BABAM2: variants seen among roughly 807,000 people sequenced by gnomAD.
The protein encoded by BABAM2 is BRISC and BRCA1-A complex member 2.
BABAM2 carries 31 observed loss-of-function variants against 54.7 expected under a neutral mutation model. The ratio of observed to expected loss-of-function variants is 0.57; its 90% confidence interval spans 0.43 to 0.77. The LOEUF is 0.77. Ranked by LOEUF, BABAM2 falls within the 30% of genes least tolerant of loss-of-function variation. BABAM2 has a pLI of 0.00. For missense variants in BABAM2, 364 were observed against 455.8 expected, an observed-to-expected ratio of 0.80 and a Z score of 1.83; for synonymous variants, 167 against 162.9, an observed-to-expected ratio of 1.03 and a Z score of -0.19.
chr2:27,961,466 A>C (rs577443081), intron 3 of BABAM2, among the ~76,000 whole-genome samples: 1 of 152,208 alleles, frequency 6.6e-6, no homozygotes, highest in Non-Finnish European at 1.5e-5. Flanking sequence ...TTGCCTACCT[A>C]TAAGCTAATG....
chr2:28,146,173 C>T (rs916609017), intron 7 of BABAM2, among the ~76,000 whole-genome samples: 4 of 152,166 alleles, frequency 2.6e-5, no homozygotes, highest in African/African-American at 4.8e-5. Flanking sequence ...TTTATATATT[C>T]TGGACACTAG....
At chr2:27,954,707 A>C (rs1332150244) in intron 3 of BABAM2, among the ~76,000 whole-genome samples, 1 of 152,190 alleles carries the variant, frequency 6.6e-6, no homozygotes, top group Non-Finnish European at 1.5e-5. Context: ...CACGTTTCTC[A>C]ATCAATTTCT....
intron 7 of BABAM2, among the ~76,000 whole-genome samples, chr2:28,217,352 G>T (rs1680011657): frequency 6.6e-6 from 1 of 152,208 alleles, no homozygotes; most frequent in Admixed American, 6.5e-5. Flanking sequence ...CATTTTATGT[G>T]TGAGGAACAA....
intron 10 of BABAM2, among the ~76,000 whole-genome samples, chr2:28,279,964 G>A (rs888048410): frequency 3.3e-5 from 5 of 150,778 alleles, no homozygotes; most frequent in East Asian, 2.0e-4. Context: ...CACCACGCCC[G>A]GCAGAGGCTT....
At chr2:28,161,874 ATTATT>A (rs918038966) in intron 7 of BABAM2, among the ~76,000 whole-genome samples, 3 of 152,188 alleles carry the variant, frequency 2.0e-5, no homozygotes, top group South Asian at 2.1e-4. Context: ...GAGATCTTTA[ATTATT>A]TTATTTAGCA....
chr2:28,100,634 C>T (rs1558335009), intron 6 of BABAM2, among the ~76,000 whole-genome samples: 2 of 152,044 alleles, frequency 1.3e-5, no homozygotes, highest in Admixed American at 1.3e-4. Context: ...TGTAACTATT[C>T]AAATAATAAT....
chr2:28,328,646 G>A (rs1415625232), intron 11 of BABAM2, among the ~76,000 whole-genome samples: 3 of 152,214 alleles, frequency 2.0e-5, no homozygotes, highest in Non-Finnish European at 4.4e-5. Flanking sequence ...TCCAAGTGAA[G>A]GAGGCTAACA....
chr2:28,185,687 A>G (rs560344768), intron 7 of BABAM2, among the ~76,000 whole-genome samples: 3 of 152,222 alleles, frequency 2.0e-5, no homozygotes, highest in African/African-American at 7.2e-5. Context: ...AGTTACCTGG[A>G]TCACCACATT....
intron 4 of BABAM2, among the ~76,000 whole-genome samples, chr2:28,014,600 T>C (rs1264775654): frequency 1.3e-5 from 2 of 151,762 alleles, no homozygotes; most frequent in East Asian, 1.9e-4. Context: ...TTTCTTTCTT[T>C]CTTTTTCTTT....
intron 3 of BABAM2, among the ~76,000 whole-genome samples, chr2:27,984,789 C>T (rs1489043327): frequency 1.3e-5 from 2 of 151,422 alleles, no homozygotes; most frequent in Non-Finnish European, 2.9e-5. Flanking sequence ...TTAGGTGCAC[C>T]CATCACCAGA....
chr2:28,070,285 G>C (rs1056704564), intron 6 of BABAM2, among the ~76,000 whole-genome samples: 1 of 152,176 alleles, frequency 6.6e-6, no homozygotes, highest in African/African-American at 2.4e-5. Flanking sequence ...GCTTCAGGGT[G>C]CTATGAAAAC....
chr2:28,262,325 C>T (rs894806723), intron 10 of BABAM2, among the ~76,000 whole-genome samples: 14 of 152,110 alleles, frequency 9.2e-5, no homozygotes, highest in South Asian at 4.2e-4. Flanking sequence ...GAAGAGTGCT[C>T]AGTAGAAAAG....
chr2:28,315,034 GAAGA>G (rs1244923550), intron 11 of BABAM2, among the ~76,000 whole-genome samples: 37 of 95,054 alleles, frequency 3.9e-4, no homozygotes, highest in African/African-American at 1.4e-3. Flanking sequence ...GAGAGAGAGA[GAAGA>G]AAGAAAGGGA....
chr2:27,977,399 C>T (rs182161053), intron 3 of BABAM2, among the ~76,000 whole-genome samples: 10 of 151,870 alleles, frequency 6.6e-5, no homozygotes, highest in African/African-American at 9.7e-5. Flanking sequence ...GTAAATCTAG[C>T]GATACTGAAA....
At chr2:28,037,964 G>A (rs528989227) in intron 5 of BABAM2, among the ~76,000 whole-genome samples, 1 of 152,284 alleles carries the variant, frequency 6.6e-6, no homozygotes, top group African/African-American at 2.4e-5. Flanking sequence ...AGTCCTAGAA[G>A]GGGAAGAGAA....
Position 28,025,439 on chromosome 2 carries a change from G to A in BABAM2, c.495+19G>A. ...CAACTGGGTAAGGATTTTTGAGAAT[G>A]GAAAAAAAGATGACTTCATCCATAA... On this transcript the variant is annotated intron_variant, in intron 5 of 11. Coordinates refer to ENST00000379624, the MANE Select transcript of BABAM2 (RefSeq NM_199191.3). 2 of 1,540,248 alleles carry A rather than the reference G, an allele frequency of 1.3e-6. No homozygotes were observed. The highest frequency in any genetic ancestry group is 8.7e-7 in the Non-Finnish European group (1 of 1,149,206).
At chr2:28,263,936 CTT>C (rs1684756167) in intron 10 of BABAM2, among the ~76,000 whole-genome samples, 1 of 152,320 alleles carries the variant, frequency 6.6e-6, no homozygotes, top group Admixed American at 6.5e-5. Context: ...TAATGAGAAA[CTT>C]TGCATACAGG....
chr2:28,256,605 A>G (rs6716971), intron 10 of BABAM2, among the ~76,000 whole-genome samples: 15,234 of 151,986 alleles, frequency 0.1, 1,106 homozygotes, highest in African/African-American at 0.2. Flanking sequence ...GCCCAAGGTC[A>G]TGCATGATAT....
chr2:28,063,418 T>C (rs1264076499), intron 6 of BABAM2, among the ~76,000 whole-genome samples: 1 of 152,230 alleles, frequency 6.6e-6, no homozygotes, highest in Non-Finnish European at 1.5e-5. Context: ...TTTCAACATA[T>C]AATCAAAATA....
Sources: gnomAD v4.1 joint callset for allele counts (sites outside exome capture counted in the v4.1 genomes callset) on GRCh38, gnomAD v4.1.1 for gene constraint, MANE v1.5 for transcripts, NCBI Gene and HGNC (gene_info 2026-07-23, HGNC 2026-07-21) for gene names.